Variants in MDGA2 observed in about 807,000 individuals in gnomAD.
The protein encoded by MDGA2 is MAM domain-containing glycosylphosphatidylinositol anchor protein 2.
Under a neutral mutation model 117.8 loss-of-function variants are expected in MDGA2, and 40 were observed. The observed-to-expected ratio is 0.34, with a 90% CI of 0.26 to 0.44. MDGA2 has a LOEUF of 0.44. Ranked by LOEUF, MDGA2 falls within the 20% of genes least tolerant of loss-of-function variation. The pLI, the probability that MDGA2 is intolerant of heterozygous loss-of-function variation, is 1.00. For missense variants in MDGA2, 1,123 were observed against 1,250.6 expected, an observed-to-expected ratio of 0.90 and a Z score of 1.54; for synonymous variants, 452 against 439.0, an observed-to-expected ratio of 1.03 and a Z score of -0.37.
intron 2 of MDGA2, among the ~76,000 whole-genome samples, chr14:47,260,837 G>T (rs575813397): frequency 2.0e-5 from 3 of 151,910 alleles, no homozygotes; most frequent in Non-Finnish European, 4.4e-5. Flanking sequence ...TTTGTACATA[G>T]TACGTTGTAC....
chr14:47,256,545 A>ATCG (rs1277444484), intron 2 of MDGA2, among the ~76,000 whole-genome samples: 9 of 152,130 alleles, frequency 5.9e-5, no homozygotes, highest in Non-Finnish European at 1.3e-4. Flanking sequence ...CACAGCATGC[A>ATCG]CGGAAGTATG....
intron 2 of MDGA2, among the ~76,000 whole-genome samples, chr14:47,275,653 T>A (rs762658370): frequency 3.9e-5 from 6 of 152,160 alleles, no homozygotes; most frequent in Non-Finnish European, 8.8e-5. Context: ...GGGAAACATT[T>A]AATAATATTG....
chr14:46,886,065 G>A (rs925130682), intron 10 of MDGA2, among the ~76,000 whole-genome samples: 1 of 152,056 alleles, frequency 6.6e-6, no homozygotes, highest in Non-Finnish European at 1.5e-5. Context: ...GTGCCTCTGG[G>A]CACAAGACAC....
Position 46,845,753 on chromosome 14 carries a change from C to A in MDGA2, c.2989+13G>T. 1.3e-6 allele frequency: 2 copies of A among 1,549,316 alleles called. No individual in the cohort carries two copies. The highest frequency in any genetic ancestry group is 1.8e-6 in the Non-Finnish European group (2 of 1,123,976). On this transcript the variant is annotated intron_variant, in intron 16 of 16. Transcript: ENST00000399232. ...AACGTTACAACAAACCAATCTCAAG[C>A]AAAGATACTTACTCTTAGTTGCTAG...
intron 7 of MDGA2, among the ~76,000 whole-genome samples, chr14:47,057,728 TTGCCC>T (rs1210077047): frequency 6.9e-6 from 1 of 145,532 alleles, no homozygotes; most frequent in Non-Finnish European, 1.5e-5. Flanking sequence ...CTGCCCTACC[TTGCCC>T]TGCCCTGCCC....
intron 7 of MDGA2, among the ~76,000 whole-genome samples, chr14:47,048,645 A>G (rs1889348138): frequency 6.6e-6 from 1 of 152,084 alleles, no homozygotes; most frequent in Non-Finnish European, 1.5e-5. Flanking sequence ...AAACATTTTG[A>G]CATAAAACGA....
chr14:47,277,673 C>T (rs1002726239), intron 2 of MDGA2, among the ~76,000 whole-genome samples: 13 of 152,254 alleles, frequency 8.5e-5, no homozygotes, highest in Admixed American at 2.0e-4. Flanking sequence ...TGGACCTAAT[C>T]TACCAAAACT....
chr14:47,256,894 A>C (rs190189539), intron 2 of MDGA2, among the ~76,000 whole-genome samples: 115 of 151,894 alleles, frequency 7.6e-4, no homozygotes, highest in African/African-American at 2.5e-3. Context: ...AGAAAGAAAA[A>C]AGAAGGAAAG....
chr14:47,245,482 T>C lies in MDGA2; in HGVS notation c.421-27287A>G, dbSNP rs1594750367. 2.0e-5 allele frequency among the ~76,000 whole-genome samples: 3 copies of C among 151,846 alleles called. No homozygotes were observed. The East Asian group carries it at 5.8e-4, about 29-fold the overall frequency. On this transcript the variant is annotated intron_variant, in intron 2 of 16. Coordinates refer to ENST00000399232, the MANE Select transcript of MDGA2 (RefSeq NM_001113498.3). Reference sequence around the variant, plus strand: ...TCGACTGTGTAGGGTTCAGTGCCCCTACCCACTGGGTTCTTCAAGGGCCAA... The same window carrying C: ...TCGACTGTGTAGGGTTCAGTGCCCCCACCCACTGGGTTCTTCAAGGGCCAA...
At chr14:47,172,937 T>G (rs1038997075) in intron 3 of MDGA2, among the ~76,000 whole-genome samples, 16 of 151,936 alleles carry the variant, frequency 1.1e-4, no homozygotes, top group Admixed American at 9.2e-4. Context: ...GAATAACCAA[T>G]ACAGAGAAGT....
chr14:47,307,158 AG>A (rs1889479226), intron 1 of MDGA2, among the ~76,000 whole-genome samples: 1 of 152,212 alleles, frequency 6.6e-6, no homozygotes, highest in South Asian at 2.1e-4. Flanking sequence ...GCACGTGTAT[AG>A]TACTTCAAGG....
chr14:47,658,455 A>C (rs1044140399), intron 1 of MDGA2, among the ~76,000 whole-genome samples: 1 of 152,140 alleles, frequency 6.6e-6, no homozygotes, highest in African/African-American at 2.4e-5. Context: ...GAAGTAGTAG[A>C]AAAGAGGAAT....
At chr14:46,863,089 C>G (rs887532702) in intron 14 of MDGA2, among the ~76,000 whole-genome samples, 1 of 152,044 alleles carries the variant, frequency 6.6e-6, no homozygotes, top group African/African-American at 2.4e-5. Context: ...TTTCTCTACT[C>G]TTCCATAAGC....
intron 1 of MDGA2, among the ~76,000 whole-genome samples, chr14:47,339,995 T>C (rs1170314507): frequency 6.6e-6 from 1 of 152,070 alleles, no homozygotes; most frequent in Non-Finnish European, 1.5e-5. Flanking sequence ...AAAATAATAA[T>C]AGAATTTATC....
rs542721977 is a variant in MDGA2, at chr14:47,401,114, T to C, written c.281-99564A>G. The stretch of plus-strand genomic sequence containing the variant: ...GTTCTGGGTGCTTCATTTGTCTAAT[T>C]AACAGTAGAATCTCAATAAAAACAC... On this transcript the variant is annotated intron_variant, in intron 1 of 16. Transcript: ENST00000399232. Among the ~76,000 whole-genome samples, 11 of 151,912 alleles carry C rather than the reference T, an allele frequency of 7.2e-5. No homozygotes were observed. The South Asian group carries it at 2.3e-3, about 32-fold the overall frequency.
intron 8 of MDGA2, among the ~76,000 whole-genome samples, chr14:46,969,331 T>G (rs1255190388): frequency 6.6e-6 from 1 of 152,212 alleles, no homozygotes; most frequent in East Asian, 1.9e-4. Context: ...CCACACTGAC[T>G]TCCACAAGGG....
In MDGA2 at chr14:47,353,525, G is replaced by A. The variant is rs534090623; in HGVS notation, c.281-51975C>T. 1.1e-3 allele frequency among the ~76,000 whole-genome samples: 172 copies of A among 152,164 alleles called. 2 individuals are homozygous for A. The highest frequency in any genetic ancestry group is 2.0e-3 in the Non-Finnish European group (135 of 68,008). On this transcript the variant is annotated intron_variant, in intron 1 of 16. Transcript: ENST00000399232. ...GTTCCTCAAAATATAATCACATTTCGAGAAAAGATCTTTTAGGAGGTGATT... is the reference window on the plus strand; with the variant it reads ...GTTCCTCAAAATATAATCACATTTCAAGAAAAGATCTTTTAGGAGGTGATT...
At chr14:47,634,495 A>T (rs1594954532) in intron 1 of MDGA2, among the ~76,000 whole-genome samples, 1 of 152,250 alleles carries the variant, frequency 6.6e-6, no homozygotes, top group Non-Finnish European at 1.5e-5. Context: ...TCAAATGTAA[A>T]AACACAGTCT....
In MDGA2 at chr14:46,864,036, G is replaced by A. The variant is rs938411962; in HGVS notation, c.2753-8882C>T. 5.3e-5 allele frequency among the ~76,000 whole-genome samples: 8 copies of A among 151,748 alleles called. No homozygotes were observed. The South Asian group carries it at 1.7e-3, about 32-fold the overall frequency. ...CCCACTAACTCGTCATCTAGCATTA[G>A]GTATATCTCCCGATGCTATCCCTCC... On this transcript the variant is annotated intron_variant, in intron 14 of 16. Coordinates refer to ENST00000399232, the MANE Select transcript of MDGA2 (RefSeq NM_001113498.3).
Sources: gnomAD v4.1 joint callset for allele counts (sites outside exome capture counted in the v4.1 genomes callset) on GRCh38, gnomAD v4.1.1 for gene constraint, MANE v1.5 for transcripts, NCBI Gene and HGNC (gene_info 2026-07-23, HGNC 2026-07-21) for gene names.